CNTNAP2: variants seen among roughly 807,000 people sequenced by gnomAD.
CNTNAP2 encodes the protein contactin associated protein 2.
In CNTNAP2, 98 loss-of-function variants were observed where a neutral mutation model predicts 155.2. That is an observed-to-expected ratio of 0.63 (90% CI 0.54 to 0.75). CNTNAP2 has a LOEUF of 0.75. CNTNAP2 is among the 30% of genes least tolerant of loss of function. The pLI is 0.00. For synonymous variants in CNTNAP2, 651 were observed against 631.2 expected, an observed-to-expected ratio of 1.03 and a Z score of -0.47; for missense variants, 1,727 against 1,688.1, an observed-to-expected ratio of 1.02 and a Z score of -0.40.
intron 13 of CNTNAP2, among the ~76,000 whole-genome samples, chr7:147,840,357 T>G (rs1056387698): frequency 6.6e-6 from 1 of 152,168 alleles, no homozygotes; most frequent in Non-Finnish European, 1.5e-5. Context: ...CACCTGACAT[T>G]GCAAAATATC....
chr7:147,502,431 A>G (rs939403758), intron 11 of CNTNAP2, among the ~76,000 whole-genome samples: 72 of 71,106 alleles, frequency 1.0e-3, no homozygotes, highest in Non-Finnish European at 1.4e-3. Context: ...AGGGAACCTA[A>G]AAAAAAATGA....
chr7:147,851,417 A>C (rs1798937563), intron 13 of CNTNAP2, among the ~76,000 whole-genome samples: 1 of 152,310 alleles, frequency 6.6e-6, no homozygotes, highest in South Asian at 2.1e-4. Flanking sequence ...CCATCCCATT[A>C]CTGGGTATAT....
At chr7:146,885,928 GGTGTGTGTGTGTGTGTGTGTGTGT>G (rs36231370) in intron 3 of CNTNAP2, among the ~76,000 whole-genome samples, 3 of 141,850 alleles carry the variant, frequency 2.1e-5, no homozygotes, top group Non-Finnish European at 3.1e-5. Flanking sequence ...TATGTAAGTC[GGTGTGTGTGTGTGTGTGTGTGTGT>G]GTGTGTGTGT....
chr7:148,276,180 A>G (rs1324320461), intron 21 of CNTNAP2, among the ~76,000 whole-genome samples: 1 of 152,176 alleles, frequency 6.6e-6, no homozygotes, highest in Non-Finnish European at 1.5e-5. Flanking sequence ...AGGACTACGC[A>G]GTTGTATGAT....
chr7:148,282,801 G>A (rs1192664639), intron 21 of CNTNAP2, among the ~76,000 whole-genome samples: 1 of 151,332 alleles, frequency 6.6e-6, no homozygotes, highest in Non-Finnish European at 1.5e-5. Flanking sequence ...CAGAAGTTCT[G>A]TTTTAATCAC....
chr7:147,600,643 C>T (rs907028794), intron 12 of CNTNAP2, among the ~76,000 whole-genome samples: 10 of 152,176 alleles, frequency 6.6e-5, no homozygotes, highest in African/African-American at 2.4e-4. Flanking sequence ...TGTTCCCTCT[C>T]TCTTGTTGGT....
chr7:147,132,217 C>T, intron 7 of CNTNAP2, 28 bp from the exon 8 acceptor site: 2 of 1,612,904 alleles, frequency 1.2e-6, no homozygotes, highest in Non-Finnish European at 8.5e-7. Flanking sequence ...TCTGTGTTTT[C>T]CTCAGAGCCT....
intron 15 of CNTNAP2, among the ~76,000 whole-genome samples, chr7:148,026,760 C>A (rs571526323): frequency 2.0e-5 from 3 of 152,266 alleles, no homozygotes; most frequent in African/African-American, 7.2e-5. Flanking sequence ...AAAGTTAGAA[C>A]CCTAATCCTC....
chr7:147,682,095 G>A (rs1795954699), intron 13 of CNTNAP2, among the ~76,000 whole-genome samples: 1 of 151,778 alleles, frequency 6.6e-6, no homozygotes, highest in Non-Finnish European at 1.5e-5. Context: ...GACAGTGTGA[G>A]TGGGGAAAGA....
intron 1 of CNTNAP2, among the ~76,000 whole-genome samples, chr7:146,246,194 G>A (rs530411650): frequency 1.6e-3 from 236 of 151,426 alleles, no homozygotes; most frequent in Middle Eastern, 0.01. Flanking sequence ...ATGATCGGTC[G>A]CCAAGGAGGG....
intron 8 of CNTNAP2, among the ~76,000 whole-genome samples, chr7:147,153,303 A>G (rs920865993): frequency 6.6e-6 from 1 of 152,206 alleles, no homozygotes; most frequent in Non-Finnish European, 1.5e-5. Context: ...TAGCAAACAT[A>G]GCTTATAATT....
intron 13 of CNTNAP2, among the ~76,000 whole-genome samples, chr7:147,774,330 TAAG>T (rs1303141120): frequency 6.6e-6 from 1 of 152,110 alleles, no homozygotes; most frequent in African/African-American, 2.4e-5. Flanking sequence ...AATGAGCAAA[TAAG>T]AAATTCCATG....
intron 13 of CNTNAP2, among the ~76,000 whole-genome samples, chr7:147,866,750 G>GT (rs138084282): frequency 0.56 from 82,558 of 147,808 alleles, 22,953 homozygotes; most frequent in Middle Eastern, 0.68. Context: ...TGCAACCCCT[G>GT]TTTTTTTTTT....
At chr7:146,968,351 T>A (rs1797704447) in intron 3 of CNTNAP2, among the ~76,000 whole-genome samples, 1 of 151,746 alleles carries the variant, frequency 6.6e-6, no homozygotes, top group African/African-American at 2.4e-5. Context: ...GATTCCCTCT[T>A]TTTCTATTGA....
chr7:147,921,631 A>G (rs1004946022), intron 14 of CNTNAP2, among the ~76,000 whole-genome samples: 6 of 152,132 alleles, frequency 3.9e-5, no homozygotes, highest in African/African-American at 1.4e-4. Flanking sequence ...TGCTATTATC[A>G]TCTTTAGGGC....
chr7:148,138,971 G>A (rs995006894), intron 16 of CNTNAP2, among the ~76,000 whole-genome samples: 6 of 152,146 alleles, frequency 3.9e-5, no homozygotes, highest in Admixed American at 3.9e-4. Context: ...GCATTTTAAA[G>A]ACAGCTTTCT....
rs1433304581 is a variant in CNTNAP2 at position 147,376,231 on chromosome 7, A to T, written c.1499-19378A>T. 1.3e-5 allele frequency among the ~76,000 whole-genome samples: 2 copies of T among 152,152 alleles called. 1 individual carries two copies. Among genetic ancestry groups the T allele is most frequent in the Middle Eastern group, 6.8e-3 (2 of 294 alleles). On this transcript the variant is annotated intron_variant, in intron 9 of 23. Transcript: ENST00000361727. Reference sequence around the variant, plus strand: ...TGATAACTCGGTAGTGAGAGCACAGAGGGCAGTCCCAGTGTTCAGAGAGTT... The same window carrying T: ...TGATAACTCGGTAGTGAGAGCACAGTGGGCAGTCCCAGTGTTCAGAGAGTT...
At chr7:147,752,601 T>G (rs910539843) in intron 13 of CNTNAP2, among the ~76,000 whole-genome samples, 3 of 152,196 alleles carry the variant, frequency 2.0e-5, no homozygotes, top group African/African-American at 7.2e-5. Context: ...AAAAATGAGC[T>G]CTCAATGTCC....
intron 13 of CNTNAP2, among the ~76,000 whole-genome samples, chr7:147,732,768 T>A (rs1796766184): frequency 6.6e-6 from 1 of 152,248 alleles, no homozygotes; most frequent in Admixed American, 6.5e-5. Context: ...GGTTTTGATT[T>A]GCATTTCTCT....
Sources: allele counts gnomAD v4.1 joint callset (sites outside exome capture counted in the v4.1 genomes callset), GRCh38; gene constraint gnomAD v4.1.1; transcripts MANE v1.5; gene names NCBI Gene and HGNC (gene_info 2026-07-23, HGNC 2026-07-21).